Variants in NPRL3 observed in about 807,000 individuals in gnomAD.
NPRL3 encodes NPR3 like, GATOR1 complex subunit, also known as GATOR1 complex protein NPRL3.
NPRL3 carries 23 observed loss-of-function variants against 57.2 expected under a neutral mutation model. That is an observed-to-expected ratio of 0.40 (90% CI 0.29 to 0.57). The LOEUF (loss-of-function observed/expected upper bound fraction) is 0.57, where lower values mean the gene tolerates loss of function less well. NPRL3 is among the 20% of genes least tolerant of loss of function. NPRL3 has a pLI of 0.42. For missense variants in NPRL3, 691 were observed against 767.1 expected (o/e 0.90, Z 1.17); for synonymous variants, 333 against 321.1 (o/e 1.04, Z -0.39).
At chr16:124,652 T>C (rs1328613216) in intron 3 of NPRL3, among the ~76,000 whole-genome samples, 1 of 152,256 alleles carries the variant, frequency 6.6e-6, no homozygotes. Flanking sequence ...ATACTGTGAC[T>C]GCCAGCACAC....
chr16:130,385 G>A, intron 3 of NPRL3, 137 bp downstream of exon 3: 6 of 826,296 alleles, frequency 7.3e-6, no homozygotes, highest in South Asian at 1.7e-5. Context: ...TACACTACCT[G>A]AGAGCACCCA....
At chr16:92,402 A>G (rs953783601) in intron 11 of NPRL3, among the ~76,000 whole-genome samples, 194 bp downstream of exon 11, 2 of 152,182 alleles carry the variant, frequency 1.3e-5, no homozygotes, top group Non-Finnish European at 2.9e-5. Context: ...GTCACTGGCC[A>G]AGCATCTGCA....
chr16:117,611 G>A (rs1596527238), intron 4 of NPRL3, among the ~76,000 whole-genome samples: 1 of 152,234 alleles, frequency 6.6e-6, no homozygotes, highest in Admixed American at 6.5e-5. Flanking sequence ...GAAGTGAGCT[G>A]ACAATGCCCA....
intron 5 of NPRL3, among the ~76,000 whole-genome samples, chr16:115,397 C>A (rs1474800987): frequency 6.6e-6 from 1 of 151,752 alleles, no homozygotes. Flanking sequence ...GACTTGTCCA[C>A]CCAAAAAATA....
intron 6 of NPRL3, among the ~76,000 whole-genome samples, chr16:110,932 T>A (rs1899778925): frequency 6.6e-6 from 1 of 152,132 alleles, no homozygotes; most frequent in South Asian, 2.1e-4. Flanking sequence ...TTATTCATCC[T>A]TTTTCATAAA....
At chr16:102,504 C>A (rs1049853768) in intron 7 of NPRL3, among the ~76,000 whole-genome samples, 2 of 152,258 alleles carry the variant, frequency 1.3e-5, no homozygotes, top group Admixed American at 1.3e-4. Context: ...AAAACACACA[C>A]AAGTTCTTCT....
rs888499146 is a variant in NPRL3 at position 86,863 on chromosome 16, G to C, written c.1552C>G (p.His518Asp). ...AGGTGGTGGCGGCCGCGGAAGTAGT[G>C]AAGGAGCCTGGAAGGGATGGGTGGG... is the stretch of plus-strand genomic sequence containing the variant. ...EDLRMFARLLHYFRGRHHLEE... is the reference protein window; with the variant it reads ...EDLRMFARLLDYFRGRHHLEE... The change falls in exon 14 of 14, where the codon CAC becomes GAC. Residue 518 changes from histidine to aspartate, a missense_variant. Coordinates refer to ENST00000611875, the MANE Select transcript of NPRL3 (RefSeq NM_001077350.3). 3.1e-6 allele frequency: 5 copies of C among 1,612,758 alleles called. No individual in the cohort carries two copies. Among genetic ancestry groups the C allele is most frequent in the Non-Finnish European group, 2.5e-6 (3 of 1,179,564 alleles).
rs542951113 is a variant in NPRL3 at position 94,097 on chromosome 16, G to T, written c.925-772C>A. ...AGCATGGCCTTGCCCGATGATGGGT[G>T]TGGAGTCACTCAGCATGCCACCCCT... is the stretch of plus-strand genomic sequence containing the variant. On this transcript the variant is annotated intron_variant, in intron 9 of 13. Coordinates refer to ENST00000611875, the MANE Select transcript of NPRL3 (RefSeq NM_001077350.3). Among the ~76,000 whole-genome samples, 158 of 151,904 alleles carry T rather than the reference G, an allele frequency of 1.0e-3. 3 individuals are homozygous for T. The highest frequency in any genetic ancestry group is 3.6e-3 in the African/African-American group (147 of 41,398).
intron 7 of NPRL3, among the ~76,000 whole-genome samples, chr16:110,235 C>G (rs1198310991): frequency 1.3e-5 from 2 of 152,156 alleles, no homozygotes; most frequent in East Asian, 3.8e-4. Context: ...TGCCGCTGCA[C>G]TCTAGCCTGG....
chr16:117,438 A>G (rs944781698), intron 4 of NPRL3, 63 bp from the exon 5 acceptor site: 1 of 1,198,642 alleles, frequency 8.3e-7, no homozygotes, highest in African/African-American at 1.5e-5. Flanking sequence ...GTTTAGAGCT[A>G]TTCTACTTCA....
Position 98,284 on chromosome 16 carries a change from A to G in NPRL3, c.785T>C (p.Leu262Pro). 6.2e-7 allele frequency: 1 copy of G among 1,613,778 alleles called. No individual in the cohort carries two copies. Among genetic ancestry groups the G allele is most frequent in the Non-Finnish European group, 8.5e-7 (1 of 1,179,812 alleles). ...LKAIRPYHAL[L>P]LLSDEKSLLG... ...CAAGGACTTCTCATCACTGAGCAGC[A>G]GCAGGGCATGGTAGGGGCTGCAAAA... Residue 262 changes from leucine to proline, a missense_variant, in exon 9 of 14, where the codon CTG becomes CCG. Coordinates refer to ENST00000611875, the MANE Select transcript of NPRL3 (RefSeq NM_001077350.3).
At chr16:135,677 G>C (rs1306515815) in intron 2 of NPRL3, among the ~76,000 whole-genome samples, 6 of 147,720 alleles carry the variant, frequency 4.1e-5, no homozygotes, top group Non-Finnish European at 7.5e-5. Context: ...TATTGTTGTT[G>C]TTAATAATTT....
At chr16:111,269 G>A (rs571293846) in intron 6 of NPRL3, among the ~76,000 whole-genome samples, 17 of 151,788 alleles carry the variant, frequency 1.1e-4, no homozygotes, top group South Asian at 4.2e-4. Flanking sequence ...GCGTGGTGGC[G>A]GGCGCCTGTA....
chr16:122,962 C>G (rs993691037), intron 3 of NPRL3, among the ~76,000 whole-genome samples: 2 of 152,232 alleles, frequency 1.3e-5, no homozygotes, highest in African/African-American at 4.8e-5. Flanking sequence ...CGCCCGTCAT[C>G]CGTGCCCTCC....
intron 10 of NPRL3, 80 bp downstream of exon 10, chr16:93,139 G>C (rs1415890347): frequency 4.3e-6 from 4 of 936,732 alleles, no homozygotes; most frequent in Admixed American, 2.0e-5. Flanking sequence ...GGCCAACACA[G>C]AGAACAGCAT....
intron 4 of NPRL3, among the ~76,000 whole-genome samples, chr16:118,757 GC>G (rs1046571883): frequency 2.0e-5 from 3 of 152,246 alleles, no homozygotes; most frequent in African/African-American, 7.2e-5. Flanking sequence ...TCAGTTCTGA[GC>G]CCCCCAGAGC....
rs1901263842 is a variant in NPRL3, at chr16:138,671, T to TTCGGACGG, written c.-98_-97insCCGTCCGA. 4.8e-6 allele frequency: 1 copy of TTCGGACGG among 207,022 alleles called. No individual in the cohort carries two copies. The highest frequency in any genetic ancestry group is 9.9e-6 in the Non-Finnish European group (1 of 101,206). The allele number at this position is 207,022 out of a possible 1,614,324, so 12.8% of individuals were successfully genotyped here. ...GTGCCACGCTCCGGGCTCGCGAGAC[T>TTCGGACGG]TCGGCGACACCGTCCGGAGGAGGTG... On this transcript the variant is annotated 5_prime_UTR_variant, in exon 1 of 14. Transcript: ENST00000611875.
At chr16:137,045 TA>T (rs71391116) in intron 2 of NPRL3, among the ~76,000 whole-genome samples, 1,862 of 66,084 alleles carry the variant, frequency 0.028, 18 homozygotes, top group Non-Finnish European at 0.039. Context: ...CCATCTCTAC[TA>T]AAAAAAAAAA....
chr16:87,067 G>A (rs1361532314), intron 13 of NPRL3, among the ~76,000 whole-genome samples, 197 bp from the exon 14 acceptor site: 3 of 152,286 alleles, frequency 2.0e-5, no homozygotes, highest in African/African-American at 4.8e-5. Flanking sequence ...CCACGGTCCC[G>A]CTGACCACCA....
Sources: allele counts gnomAD v4.1 joint callset (sites outside exome capture counted in the v4.1 genomes callset), GRCh38; gene constraint gnomAD v4.1.1; transcripts MANE v1.5; gene names NCBI Gene and HGNC (gene_info 2026-07-23, HGNC 2026-07-21).